The following ABCA4 variants were observed in gnomAD, a reference collection of about 807,000 sequenced individuals.
ABCA4 encodes retinal-specific phospholipid-transporting ATPase ABCA4.
ABCA4 carries 196 observed loss-of-function variants against 263.7 expected under a neutral mutation model. That is an observed-to-expected ratio of 0.74 (90% CI 0.66 to 0.84). The LOEUF (loss-of-function observed/expected upper bound fraction) is 0.84, where lower values mean the gene tolerates loss of function less well. ABCA4 is among the 40% of genes least tolerant of loss of function. ABCA4 has a pLI of 0.00. For missense variants in ABCA4, 2,792 were observed against 2,855.1 expected (o/e 0.98, Z 0.50); for synonymous variants, 1,133 against 1,094.2 (o/e 1.04, Z -0.70).
intron 10 of ABCA4, among the ~76,000 whole-genome samples, chr1:94,078,185 G>A (rs1661590312): frequency 6.6e-6 from 1 of 152,176 alleles, no homozygotes; most frequent in African/African-American, 2.4e-5. Flanking sequence ...TTTCTTTTGA[G>A]TGTCCCTGAT....
At position 94,015,736 on chromosome 1, in the gene ABCA4, T is replaced by C. The variant is rs767451031; in HGVS notation, c.5312+3A>G. ...GCATTAGCTAATGGCCCAAACGGCTTACCCATACAGCAGGAGCAGTGCCAC... is the reference window on the plus strand; with the variant it reads ...GCATTAGCTAATGGCCCAAACGGCTCACCCATACAGCAGGAGCAGTGCCAC... On this transcript the variant is annotated splice_donor_region_variant and intron_variant, in intron 37 of 49. Coordinates refer to ENST00000370225, the MANE Select transcript of ABCA4 (RefSeq NM_000350.3). The C allele has an allele frequency of 1.2e-6, 2 of 1,612,872 alleles. No individual in the cohort carries two copies. Among genetic ancestry groups the C allele is most frequent in the East Asian group, 2.2e-5 (1 of 44,874 alleles).
intron 4 of ABCA4, among the ~76,000 whole-genome samples, chr1:94,104,147 G>A (rs1040607358): frequency 9.2e-5 from 14 of 152,130 alleles, no homozygotes; most frequent in Admixed American, 2.0e-4. Flanking sequence ...CCTCCTCCTC[G>A]GCTGGCTTCC....
chr1:94,097,253 G>A (rs1662148256), intron 6 of ABCA4, among the ~76,000 whole-genome samples: 1 of 152,142 alleles, frequency 6.6e-6, no homozygotes, highest in Non-Finnish European at 1.5e-5. Flanking sequence ...CCACCCTGAC[G>A]AGCTGGGAAA....
At chr1:94,116,972 TTCTTTC>T (rs1193565866) in intron 1 of ABCA4, among the ~76,000 whole-genome samples, 60 of 76,752 alleles carry the variant, frequency 7.8e-4, no homozygotes, top group African/African-American at 2.5e-3. Flanking sequence ...TTCTTTCTCT[TTCTTTC>T]TTTCTTTCTT....
At chr1:94,056,446 C>A (rs1660979305) in intron 15 of ABCA4, among the ~76,000 whole-genome samples, 155 bp downstream of exon 15, 1 of 152,216 alleles carries the variant, frequency 6.6e-6, no homozygotes, top group African/African-American at 2.4e-5. Flanking sequence ...ACTGCTCCCA[C>A]TTTTGCCCCT....
At chr1:94,004,732 C>T (rs1164135210) in intron 44 of ABCA4, among the ~76,000 whole-genome samples, 1 of 152,186 alleles carries the variant, frequency 6.6e-6, no homozygotes, top group Non-Finnish European at 1.5e-5. Context: ...TAAAACTATA[C>T]AAAAATATAT....
At position 94,049,827 on chromosome 1, in the gene ABCA4, A is replaced by AACACAC. The variant is rs146353973; in HGVS notation, c.2654-876_2654-871dup. On this transcript the variant is annotated intron_variant, in intron 17 of 49. Transcript: ENST00000370225. ...AAGTGTGGTATAAACACACGCATTG[A>AACACAC]ACACACACACACACACACACACAAA... is the stretch of plus-strand genomic sequence containing the variant. Among the ~76,000 whole-genome samples the AACACAC allele has an allele frequency of 5.5e-3, 822 of 149,518 alleles. 7 individuals carry two copies. Among genetic ancestry groups the AACACAC allele is most frequent in the African/African-American group, 0.019 (785 of 40,872 alleles).
At chr1:94,091,593 ACAC>A (rs1403574289) in intron 6 of ABCA4, among the ~76,000 whole-genome samples, 47 of 88,924 alleles carry the variant, frequency 5.3e-4, no homozygotes, top group Non-Finnish European at 9.1e-4. Flanking sequence ...ACACACACAC[ACAC>A]ACACACACAC....
chr1:94,030,289 G>T, intron 29 of ABCA4, 139 bp downstream of exon 29: 1 of 753,364 alleles, frequency 1.3e-6, no homozygotes, highest in Non-Finnish European at 2.3e-6. Context: ...AGAGGTTGGG[G>T]GAGTGCTGGT....
chr1:94,017,261 C>T (rs1044841330), intron 36 of ABCA4, among the ~76,000 whole-genome samples: 7 of 152,024 alleles, frequency 4.6e-5, no homozygotes, highest in African/African-American at 1.5e-4. Flanking sequence ...CTTAAGTGAC[C>T]GAATTGAACA....
rs1273972784 is a variant in ABCA4, at chr1:94,111,524, C to A, written c.216G>T (p.Gly72=). 5 of 1,614,180 alleles carry A rather than the reference C, an allele frequency of 3.1e-6. No homozygotes were observed. The highest frequency in any genetic ancestry group is 4.2e-6 in the Non-Finnish European group (5 of 1,180,000). Residue 72 remains glycine (G), a synonymous_variant, in exon 3 of 50, where the codon GGG becomes GGT. Transcript: ENST00000370225. ...PSAGMLPWLQ[G]IFCNVNNPCF... is the part of the protein sequence containing the mutation. ...AGGGATTGTTCACATTGCAGAAGAT[C>A]CCCTGGAGCCACGGCAGCATTCCTG...
Position 94,021,627 on chromosome 1 carries a change from A to G in ABCA4, c.4848+13T>C, listed in dbSNP as rs374196141. The G allele has an allele frequency of 9.8e-5, 158 of 1,606,284 alleles. No homozygotes were observed. In the Middle Eastern group the frequency reaches 3.6e-3, roughly 37 times the overall value. ...TTTTTAGCTCCAGAGCAGATTATAC[A>G]TAGGTCAAGTACCTTAATGTTGTCT... On this transcript the variant is annotated intron_variant, in intron 34 of 49. Transcript: ENST00000370225.
intron 30 of ABCA4, 51 bp downstream of exon 30, chr1:94,029,394 G>C: frequency 6.8e-7 from 1 of 1,465,734 alleles, no homozygotes; most frequent in Non-Finnish European, 9.2e-7. Flanking sequence ...GACTCCCCTA[G>C]TCCCTCTGTG....
intron 18 of ABCA4, 116 bp from the exon 19 acceptor site, chr1:94,047,209 G>T (rs1660710844): frequency 2.6e-6 from 3 of 1,157,790 alleles, no homozygotes; most frequent in South Asian, 1.2e-5. Flanking sequence ...TGTGGCTTCG[G>T]CTATCACCGT....
chr1:94,027,102 G>A (rs548617702), intron 30 of ABCA4, among the ~76,000 whole-genome samples: 18 of 152,178 alleles, frequency 1.2e-4, no homozygotes, highest in South Asian at 8.3e-4. Flanking sequence ...GAGACAGAGC[G>A]CGCACAGCTC....
chr1:94,022,301 G>GC (rs1659925393), intron 32 of ABCA4, among the ~76,000 whole-genome samples: 2 of 152,156 alleles, frequency 1.3e-5, no homozygotes, highest in Admixed American at 1.3e-4. Flanking sequence ...CCTTTGCATG[G>GC]CTGCTAGCTC....
chr1:94,002,552 G>A (rs997123877), intron 44 of ABCA4, among the ~76,000 whole-genome samples: 4 of 152,238 alleles, frequency 2.6e-5, no homozygotes, highest in African/African-American at 9.6e-5. Flanking sequence ...AGTGCTGTGA[G>A]GGAACGATGA....
chr1:94,111,303 C>G (rs1662594440), intron 3 of ABCA4, 135 bp downstream of exon 3: 1 of 1,252,266 alleles, frequency 8.0e-7, no homozygotes, highest in Non-Finnish European at 1.1e-6. Flanking sequence ...ACCTGCTCTG[C>G]TCCTAAGAGG....
At chr1:94,042,116 A>AAAAAG (rs1557777868) in intron 22 of ABCA4, among the ~76,000 whole-genome samples, 8 of 151,278 alleles carry the variant, frequency 5.3e-5, no homozygotes, top group Non-Finnish European at 5.9e-5. Flanking sequence ...AAAAAAAAAA[A>AAAAAG]AAAAGAAAAG....
Sources: allele counts gnomAD v4.1 joint callset (sites outside exome capture counted in the v4.1 genomes callset), GRCh38; gene constraint gnomAD v4.1.1; transcripts MANE v1.5; gene names NCBI Gene and HGNC (gene_info 2026-07-23, HGNC 2026-07-21).